Variants in PPM1L observed in about 807,000 individuals in gnomAD.
The protein encoded by PPM1L is protein phosphatase 1L.
In PPM1L, 13 loss-of-function variants were observed where a neutral mutation model predicts 31.4. The observed-to-expected ratio is 0.41, with a 90% CI of 0.27 to 0.66. The LOEUF (loss-of-function observed/expected upper bound fraction) is 0.66, where lower values mean the gene tolerates loss of function less well. PPM1L is among the 30% of genes least tolerant of loss of function. PPM1L has a pLI of 0.29. For synonymous variants in PPM1L, 184 were observed against 175.4 expected, an observed-to-expected ratio of 1.05 and a Z score of -0.39; for missense variants, 326 against 453.7, an observed-to-expected ratio of 0.72 and a Z score of 2.56.
At chr3:160,824,272 A>G (rs1713291334) in intron 1 of PPM1L, among the ~76,000 whole-genome samples, 1 of 152,068 alleles carries the variant, frequency 6.6e-6, no homozygotes, top group Non-Finnish European at 1.5e-5. Context: ...AAGAGTCCTA[A>G]CCGAAACCTG....
chr3:160,845,607 C>A (rs1269786518), intron 1 of PPM1L, among the ~76,000 whole-genome samples: 2 of 151,886 alleles, frequency 1.3e-5, no homozygotes, highest in Admixed American at 1.3e-4. Context: ...CCAATGTTTT[C>A]TTTTAAAAGT....
intron 2 of PPM1L, among the ~76,000 whole-genome samples, chr3:161,001,797 C>T (rs1717491429): frequency 6.6e-6 from 1 of 151,890 alleles, no homozygotes; most frequent in Admixed American, 6.6e-5. Flanking sequence ...TACTACAAAC[C>T]CTCCCTAAAG....
chr3:161,077,533 A>G lies in PPM1L; in HGVS notation c.*8376A>G, dbSNP rs950919403. On this transcript the variant is annotated 3_prime_UTR_variant, in exon 4 of 4. Transcript: ENST00000498165. ...GAGCAAGAACATCTCTCCATGGCCTATTTTTATTTTTGTTCCCAAGAGACT... is the reference window on the plus strand; with the variant it reads ...GAGCAAGAACATCTCTCCATGGCCTGTTTTTATTTTTGTTCCCAAGAGACT... The G allele has an allele frequency of 6.6e-6, 1 of 152,228 alleles. No individual in the cohort carries two copies. Among genetic ancestry groups the G allele is most frequent in the Non-Finnish European group, 1.5e-5 (1 of 68,050 alleles). The allele number at this position is 152,228 out of a possible 1,614,324, so 9.4% of individuals were successfully genotyped here.
At chr3:160,907,335 G>T (rs940899862) in intron 1 of PPM1L, among the ~76,000 whole-genome samples, 1 of 152,146 alleles carries the variant, frequency 6.6e-6, no homozygotes, top group Non-Finnish European at 1.5e-5. Flanking sequence ...ATTAATTCTG[G>T]TCTACGTATT....
chr3:161,032,585 G>T (rs956673896), intron 2 of PPM1L, among the ~76,000 whole-genome samples: 2 of 151,894 alleles, frequency 1.3e-5, no homozygotes, highest in African/African-American at 4.9e-5. Context: ...GAATCCTAAT[G>T]AGGGGATGGG....
chr3:161,028,174 G>T (rs1718463869), intron 2 of PPM1L, among the ~76,000 whole-genome samples: 2 of 152,172 alleles, frequency 1.3e-5, no homozygotes, highest in Non-Finnish European at 2.9e-5. Flanking sequence ...ATTTGCTATG[G>T]TCATGGAGTC....
chr3:160,760,304 T>C (rs949053788), intron 1 of PPM1L, among the ~76,000 whole-genome samples: 1 of 152,252 alleles, frequency 6.6e-6, no homozygotes, highest in Non-Finnish European at 1.5e-5. Flanking sequence ...CAGCCTCTTA[T>C]GATTTGGGTT....
At chr3:160,859,690 C>T (rs1047511626) in intron 1 of PPM1L, among the ~76,000 whole-genome samples, 1 of 152,122 alleles carries the variant, frequency 6.6e-6, no homozygotes. Flanking sequence ...AATTTATTTC[C>T]TTCTGAATTG....
intron 1 of PPM1L, among the ~76,000 whole-genome samples, chr3:160,775,253 C>T (rs1711537332): frequency 6.6e-6 from 1 of 152,210 alleles, no homozygotes; most frequent in South Asian, 2.1e-4. Context: ...CAAAAGCTAT[C>T]CTGTTCCAGT....
At chr3:160,960,148 CATAT>C (rs148309996) in intron 1 of PPM1L, among the ~76,000 whole-genome samples, 1 of 148,954 alleles carries the variant, frequency 6.7e-6, no homozygotes, top group African/African-American at 2.5e-5. Context: ...TAGCGTGTAT[CATAT>C]ATATATATAT....
intron 2 of PPM1L, among the ~76,000 whole-genome samples, chr3:160,967,158 C>G (rs1463238740): frequency 6.6e-6 from 1 of 151,992 alleles, no homozygotes; most frequent in Non-Finnish European, 1.5e-5. Flanking sequence ...TGCACATGCT[C>G]TTCTCGTATG....
At chr3:160,855,945 C>T (rs560637732) in intron 1 of PPM1L, among the ~76,000 whole-genome samples, 4 of 152,118 alleles carry the variant, frequency 2.6e-5, no homozygotes, top group East Asian at 3.9e-4. Context: ...TTGGCTCACA[C>T]GATCACAAAG....
intron 1 of PPM1L, among the ~76,000 whole-genome samples, chr3:160,847,919 G>A (rs904263844): frequency 5.3e-5 from 8 of 152,122 alleles, no homozygotes; most frequent in African/African-American, 1.7e-4. Flanking sequence ...AAGTTGCTAT[G>A]TTCCCTAGGC....
chr3:160,809,302 G>A (rs1712736893), intron 1 of PPM1L, among the ~76,000 whole-genome samples: 1 of 152,116 alleles, frequency 6.6e-6, no homozygotes, highest in Middle Eastern at 3.4e-3. Flanking sequence ...GATTATATTT[G>A]GCATGGCTCT....
intron 2 of PPM1L, among the ~76,000 whole-genome samples, chr3:160,969,229 C>T (rs566753130): frequency 1.8e-4 from 27 of 152,310 alleles, no homozygotes; most frequent in African/African-American, 5.8e-4. Context: ...GGTGAAGACA[C>T]ACCAAGCACT....
At chr3:160,919,485 C>G (rs910234079) in intron 1 of PPM1L, among the ~76,000 whole-genome samples, 2 of 152,182 alleles carry the variant, frequency 1.3e-5, no homozygotes, top group East Asian at 3.8e-4. Context: ...CTCATGCTAC[C>G]TTACAGTACC....
chr3:160,934,929 C>T (rs371879806), intron 1 of PPM1L, among the ~76,000 whole-genome samples: 192 of 151,592 alleles, frequency 1.3e-3, no homozygotes, highest in African/African-American at 4.4e-3. Flanking sequence ...GCCTGGGCAA[C>T]AACAGAGTGA....
At chr3:160,794,931 TG>T (rs1199678816) in intron 1 of PPM1L, among the ~76,000 whole-genome samples, 1 of 152,022 alleles carries the variant, frequency 6.6e-6, no homozygotes, top group Non-Finnish European at 1.5e-5. Context: ...CAGGGGGTAA[TG>T]GTGAAATGAT....
chr3:160,927,452 C>G (rs1426408265), intron 1 of PPM1L, among the ~76,000 whole-genome samples: 1 of 150,654 alleles, frequency 6.6e-6, no homozygotes, highest in African/African-American at 2.4e-5. Flanking sequence ...CATTTTTTTT[C>G]TTCCTTTACT....
Sources: allele counts gnomAD v4.1 joint callset (sites outside exome capture counted in the v4.1 genomes callset), GRCh38; gene constraint gnomAD v4.1.1; transcripts MANE v1.5; gene names NCBI Gene and HGNC (gene_info 2026-07-23, HGNC 2026-07-21).